MEIS1: variants seen among roughly 807,000 people sequenced by gnomAD.
The protein encoded by MEIS1 is homeobox protein Meis1.
In MEIS1, 5 loss-of-function variants were observed where a neutral mutation model predicts 50.8. That is an observed-to-expected ratio of 0.10 (90% confidence interval 0.05 to 0.21). The LOEUF is 0.21. MEIS1 is among the 10% of genes least tolerant of loss of function. The probability of loss-of-function intolerance (pLI) is 1.00; values close to 1 mark genes in which losing one functional copy is unlikely to be tolerated. For synonymous variants in MEIS1, 176 were observed against 179.3 expected (o/e 0.98, Z 0.15); for missense variants, 318 against 517.3 (o/e 0.61, Z 3.74).
intron 2 of MEIS1, chr2:66,439,386 A>C: frequency 2.4e-6 from 3 of 1,251,830 alleles, no homozygotes; most frequent in Non-Finnish European, 3.0e-6. Context: ...TGCCACCGAG[A>C]TCCCCCGAGC....
intron 8 of MEIS1, among the ~76,000 whole-genome samples, chr2:66,518,484 A>G (rs1306944708): frequency 3.9e-5 from 6 of 152,224 alleles, no homozygotes; most frequent in Admixed American, 3.3e-4. Context: ...TATGTGTAAA[A>G]CAAAAGTGCC....
chr2:66,547,157 C>G (rs1674812119), intron 8 of MEIS1, among the ~76,000 whole-genome samples: 1 of 152,140 alleles, frequency 6.6e-6, no homozygotes, highest in South Asian at 2.1e-4. Flanking sequence ...GATCAGTGAA[C>G]AGAAAGCATT....
In MEIS1 at chr2:66,439,999, T is replaced by C; in HGVS notation, c.381+15T>C. On this transcript the variant is annotated intron_variant, in intron 3 of 12. Transcript: ENST00000272369. Reference sequence around the variant, plus strand: ...TCGCCAAACAGGTCAGCAAAATAGATGTTAAAAAGTAAAAGAAACAAAAAG... The same window carrying C: ...TCGCCAAACAGGTCAGCAAAATAGACGTTAAAAAGTAAAAGAAACAAAAAG... 6.3e-7 allele frequency: 1 copy of C among 1,596,450 alleles called. No individual in the cohort carries two copies. Among genetic ancestry groups the C allele is most frequent in the Non-Finnish European group, 8.5e-7 (1 of 1,172,490 alleles).
chr2:66,537,252 C>T (rs1674543443), intron 8 of MEIS1, among the ~76,000 whole-genome samples: 2 of 152,194 alleles, frequency 1.3e-5, no homozygotes, highest in Non-Finnish European at 2.9e-5. Context: ...TTTAGTGGTC[C>T]AGTAAACTAC....
At chr2:66,464,331 C>CT in intron 7 of MEIS1, 111 bp downstream of exon 7, 2 of 837,834 alleles carry the variant, frequency 2.4e-6, no homozygotes, top group Non-Finnish European at 3.9e-6. Context: ...GATAAACCCC[C>CT]TTTAACTTGA....
intron 6 of MEIS1, among the ~76,000 whole-genome samples, chr2:66,452,097 A>C (rs766025794): frequency 6.6e-6 from 1 of 151,966 alleles, no homozygotes; most frequent in Non-Finnish European, 1.5e-5. Context: ...AAACTTTAGC[A>C]GTACAATTAA....
rs73937932 is a variant in MEIS1, at chr2:66,492,684, T to G, written c.743-19465T>G. Among the ~76,000 whole-genome samples the G allele has an allele frequency of 8.7e-3, 1,332 of 152,278 alleles. 19 individuals carry two copies. The highest frequency in any genetic ancestry group is 0.031 in the African/African-American group (1,283 of 41,532). ...TCCTACAGCAGAGGCCCCTGAGAAG[T>G]CCTTGGTTGTTTGTGCAGATCTGGC... On this transcript the variant is annotated intron_variant, in intron 7 of 12. Coordinates refer to ENST00000272369, the MANE Select transcript of MEIS1 (RefSeq NM_002398.3).
chr2:66,444,648 C>T (rs1672083449), intron 6 of MEIS1, among the ~76,000 whole-genome samples: 1 of 152,228 alleles, frequency 6.6e-6, no homozygotes, highest in South Asian at 2.1e-4. Context: ...AGGCGGCTCC[C>T]AGCCTTGGCC....
intron 7 of MEIS1, among the ~76,000 whole-genome samples, chr2:66,481,818 C>T (rs908934045): frequency 3.1e-4 from 46 of 147,774 alleles, no homozygotes; most frequent in Admixed American, 8.1e-4. Context: ...TTTAGAGGAT[C>T]AGAGACTTGT....
At chr2:66,520,314 AAT>A (rs1423514712) in intron 8 of MEIS1, among the ~76,000 whole-genome samples, 45 of 42,948 alleles carry the variant, frequency 1.0e-3, no homozygotes, top group African/African-American at 1.7e-3. Flanking sequence ...CTCTACTAAA[AAT>A]AAAAAAAAAA....
chr2:66,510,066 G>A (rs562698111), intron 7 of MEIS1, among the ~76,000 whole-genome samples: 4 of 152,258 alleles, frequency 2.6e-5, no homozygotes, highest in South Asian at 2.1e-4. Flanking sequence ...TGATCAGGTC[G>A]TATGTGTCTT....
chr2:66,531,250 T>C (rs888734341), intron 8 of MEIS1, among the ~76,000 whole-genome samples: 4 of 152,202 alleles, frequency 2.6e-5, no homozygotes, highest in African/African-American at 9.7e-5. Flanking sequence ...TTTGGTTTGA[T>C]GGTAAATGAT....
At chr2:66,563,978 A>C (rs1259181000) in intron 9 of MEIS1, among the ~76,000 whole-genome samples, 7 of 152,238 alleles carry the variant, frequency 4.6e-5, no homozygotes, top group Non-Finnish European at 7.3e-5. Flanking sequence ...TGTTGTTTTC[A>C]CATAGATGTC....
rs182615620 is a variant in MEIS1 at position 66,488,401 on chromosome 2, A to C, written c.743-23748A>C. Among the ~76,000 whole-genome samples the C allele has an allele frequency of 6.9e-3, 1,057 of 152,308 alleles. 5 individuals carry two copies. The highest frequency in any genetic ancestry group is 0.012 in the Non-Finnish European group (811 of 68,020). On this transcript the variant is annotated intron_variant, in intron 7 of 12. Transcript: ENST00000272369. ...ACATCAAATAAACAATGAGCTGGCT[A>C]GGTGCAGTGGCTCAAGCCTGTAATC...
chr2:66,570,909 G>GTGTATTCT (rs2103980386), intron 12 of MEIS1: 2 of 267,808 alleles, frequency 7.5e-6, no homozygotes, highest in African/African-American at 4.6e-5. Context: ...GACCAGCTCA[G>GTGTATTCT]TGTATTCTTG....
At chr2:66,551,159 A>G (rs1435242454) in intron 9 of MEIS1, among the ~76,000 whole-genome samples, 1 of 152,236 alleles carries the variant, frequency 6.6e-6, no homozygotes, top group Non-Finnish European at 1.5e-5. Context: ...AGAGTGTCAT[A>G]GAAATCCTGG....
At chr2:66,450,600 T>C (rs2103711193) in intron 6 of MEIS1, among the ~76,000 whole-genome samples, 1 of 152,310 alleles carries the variant, frequency 6.6e-6, no homozygotes, top group South Asian at 2.1e-4. Flanking sequence ...TGCTTTTACG[T>C]TTTAACCAAA....
At chr2:66,502,273 G>A (rs1339281279) in intron 7 of MEIS1, among the ~76,000 whole-genome samples, 1 of 152,122 alleles carries the variant, frequency 6.6e-6, no homozygotes, top group African/African-American at 2.4e-5. Flanking sequence ...GGATTGTGAG[G>A]AAACAGAGGG....
intron 9 of MEIS1, among the ~76,000 whole-genome samples, chr2:66,562,845 C>T (rs1451706708): frequency 6.6e-6 from 1 of 152,092 alleles, no homozygotes; most frequent in Admixed American, 6.6e-5. Context: ...TGCAGGGAGT[C>T]CAATTCTTAA....
Sources: allele counts gnomAD v4.1 joint callset (sites outside exome capture counted in the v4.1 genomes callset), GRCh38; gene constraint gnomAD v4.1.1; transcripts MANE v1.5; gene names NCBI Gene and HGNC (gene_info 2026-07-23, HGNC 2026-07-21).